DCTN6: variants seen among roughly 807,000 people sequenced by gnomAD.
The protein encoded by DCTN6 is dynactin 6.
Under a neutral mutation model 25.8 loss-of-function variants are expected in DCTN6, and 15 were observed. That is an observed-to-expected ratio of 0.58 (90% CI 0.39 to 0.89). DCTN6 has a LOEUF of 0.89. DCTN6 is among the 40% of genes least tolerant of loss of function. The probability of loss-of-function intolerance (pLI) is 0.00; values close to 1 mark genes in which losing one functional copy is unlikely to be tolerated. For missense variants in DCTN6, 198 were observed against 237.6 expected (o/e 0.83, Z 1.09); for synonymous variants, 64 against 78.3 (o/e 0.82, Z 0.96).
At chr8:30,174,390 T>G (rs1803804092) in intron 2 of DCTN6, among the ~76,000 whole-genome samples, 1 of 151,968 alleles carries the variant, frequency 6.6e-6, no homozygotes, top group African/African-American at 2.4e-5. Flanking sequence ...TGGAGTACAG[T>G]GGCATGATCT....
intron 1 of DCTN6, among the ~76,000 whole-genome samples, chr8:30,159,085 A>G (rs941666959): frequency 3.9e-5 from 6 of 152,122 alleles, no homozygotes; most frequent in African/African-American, 1.4e-4. Context: ...CCTGGCCCAG[A>G]TTGACTCTTG....
intron 3 of DCTN6, chr8:30,176,800 AC>A (rs1196187835): frequency 4.2e-6 from 1 of 235,822 alleles, no homozygotes; most frequent in Non-Finnish European, 8.4e-6. Context: ...ACATGGTGAA[AC>A]CCCATCTCCA....
At chr8:30,163,299 A>G (rs917221563) in intron 1 of DCTN6, among the ~76,000 whole-genome samples, 23 of 151,112 alleles carry the variant, frequency 1.5e-4, no homozygotes, top group African/African-American at 5.1e-4. Context: ...CTCTGTCTCA[A>G]AAAAAAAAGA....
intron 6 of DCTN6, chr8:30,180,944 A>G (rs1563231986): frequency 2.7e-6 from 1 of 368,964 alleles, no homozygotes; most frequent in East Asian, 4.1e-5. Flanking sequence ...AGGTGGGAAG[A>G]TAATTCTTGA....
At position 30,178,361 on chromosome 8, in the gene DCTN6, G is replaced by T. The variant is rs375709493; in HGVS notation, c.284-1047G>T. 2.0e-4 allele frequency among the ~76,000 whole-genome samples: 31 copies of T among 152,000 alleles called. No individual in the cohort carries two copies. The East Asian group carries it at 5.8e-3, about 29-fold the overall frequency. ...GCCTGTAATCCCAGCTACTCGGGAGGCTGAGGCAGGAGAATCACTTGAACC... is the reference window on the plus strand; with the variant it reads ...GCCTGTAATCCCAGCTACTCGGGAGTCTGAGGCAGGAGAATCACTTGAACC... On this transcript the variant is annotated intron_variant, in intron 4 of 6. Transcript: ENST00000221114.
At chr8:30,169,291 A>G (rs1433802361) in intron 2 of DCTN6, among the ~76,000 whole-genome samples, 1 of 145,646 alleles carries the variant, frequency 6.9e-6, no homozygotes, top group Non-Finnish European at 1.5e-5. Flanking sequence ...AAAAAAACAG[A>G]GCTTAAGGCC....
chr8:30,157,792 CAAAG>C (rs1344296747), intron 1 of DCTN6, among the ~76,000 whole-genome samples: 1 of 152,072 alleles, frequency 6.6e-6, no homozygotes, highest in Admixed American at 6.5e-5. Flanking sequence ...CTATTTTTGA[CAAAG>C]AAAACTGACA....
At chr8:30,159,656 C>T (rs1425761238) in intron 1 of DCTN6, among the ~76,000 whole-genome samples, 1 of 152,122 alleles carries the variant, frequency 6.6e-6, no homozygotes, top group East Asian at 1.9e-4. Context: ...TCTCTAAAAT[C>T]TACCCCTCCT....
At chr8:30,181,791 G>A (rs1036117495) in intron 6 of DCTN6, among the ~76,000 whole-genome samples, 6 of 151,746 alleles carry the variant, frequency 4.0e-5, no homozygotes, top group African/African-American at 1.5e-4. Context: ...TTTGGAGGCT[G>A]AGGTGGGAGG....
intron 1 of DCTN6, among the ~76,000 whole-genome samples, chr8:30,163,859 C>T (rs367567585): frequency 1.2e-4 from 18 of 152,146 alleles, no homozygotes; most frequent in African/African-American, 2.7e-4. Flanking sequence ...CTCGCCACCA[C>T]GCCTGGCTAG....
At chr8:30,171,644 C>T (rs1803766040) in intron 2 of DCTN6, among the ~76,000 whole-genome samples, 1 of 152,086 alleles carries the variant, frequency 6.6e-6, no homozygotes, top group African/African-American at 2.4e-5. Flanking sequence ...AATTTTTCCC[C>T]TTGGCTAACA....
intron 2 of DCTN6, among the ~76,000 whole-genome samples, chr8:30,170,552 T>C (rs1803750127): frequency 2.0e-5 from 3 of 152,166 alleles, no homozygotes; most frequent in Admixed American, 2.0e-4. Context: ...AAGACAGTAA[T>C]AACAATAATA....
At chr8:30,178,691 C>T (rs1046804325) in intron 4 of DCTN6, among the ~76,000 whole-genome samples, 2 of 152,030 alleles carry the variant, frequency 1.3e-5, no homozygotes, top group African/African-American at 4.8e-5. Context: ...CAGGCTCTTG[C>T]TCTGTCACCC....
intron 2 of DCTN6, among the ~76,000 whole-genome samples, chr8:30,165,533 G>A (rs999500479): frequency 1.3e-5 from 2 of 151,166 alleles, no homozygotes; most frequent in African/African-American, 4.9e-5. Flanking sequence ...TATAAAACCA[G>A]TGGAGATTGT....
At chr8:30,159,241 A>AG (rs1803568386) in intron 1 of DCTN6, among the ~76,000 whole-genome samples, 1 of 51,282 alleles carries the variant, frequency 1.9e-5, no homozygotes. Context: ...AGGGATTATT[A>AG]GTTTTTTCTA....
Position 30,175,067 on chromosome 8 carries a change from T to A in DCTN6, c.89-18T>A, listed in dbSNP as rs1198227490. 25 of 1,611,464 alleles carry A rather than the reference T, an allele frequency of 1.6e-5. No individual in the cohort carries two copies. In the Admixed American group the frequency reaches 4.2e-4, roughly 27 times the overall value. On this transcript the variant is annotated intron_variant, in intron 2 of 6. Transcript: ENST00000221114. Reference sequence around the variant, plus strand: ...CATAGCCTCCACCAATAATTTCTTCTCAAACTATTTTTAACAGGACCTCGG... The same window carrying A: ...CATAGCCTCCACCAATAATTTCTTCACAAACTATTTTTAACAGGACCTCGG...
At chr8:30,180,021 A>G (rs567442617) in intron 5 of DCTN6, among the ~76,000 whole-genome samples, 4 of 152,336 alleles carry the variant, frequency 2.6e-5, no homozygotes, top group Non-Finnish European at 5.9e-5. Flanking sequence ...CACGAAAGAA[A>G]ATGCTTCTTT....
chr8:30,172,625 G>T (rs1290728002), intron 2 of DCTN6, among the ~76,000 whole-genome samples: 3 of 151,794 alleles, frequency 2.0e-5, no homozygotes, highest in African/African-American at 7.3e-5. Flanking sequence ...TAATTTTTTT[G>T]TATTTTTCGT....
intron 2 of DCTN6, 62 bp downstream of exon 2, chr8:30,164,237 T>G (rs1803635649): frequency 7.8e-7 from 1 of 1,284,288 alleles, no homozygotes; most frequent in South Asian, 1.2e-5. Flanking sequence ...TTTTAGTGCT[T>G]TACAATTAGA....
Sources: gnomAD v4.1 joint callset for allele counts (sites outside exome capture counted in the v4.1 genomes callset) on GRCh38, gnomAD v4.1.1 for gene constraint, MANE v1.5 for transcripts, NCBI Gene and HGNC (gene_info 2026-07-23, HGNC 2026-07-21) for gene names.